Variants in PAPPA observed in about 807,000 individuals in gnomAD.
The protein encoded by PAPPA is pappalysin-1.
Under a neutral mutation model 164.0 loss-of-function variants are expected in PAPPA, and 60 were observed. That is an observed-to-expected ratio of 0.37 (90% CI 0.30 to 0.45). The LOEUF (loss-of-function observed/expected upper bound fraction) is 0.45. Ranked by LOEUF, PAPPA falls within the 20% of genes least tolerant of loss-of-function variation. PAPPA has a pLI of 1.00. For missense variants in PAPPA, 1,782 were observed against 2,087.3 expected, an observed-to-expected ratio of 0.85 and a Z score of 2.85; for synonymous variants, 875 against 814.1, an observed-to-expected ratio of 1.07 and a Z score of -1.27.
At chr9:116,396,231 G>T (rs1246088415) in intron 21 of PAPPA, among the ~76,000 whole-genome samples, 2 of 152,164 alleles carry the variant, frequency 1.3e-5, no homozygotes, top group Non-Finnish European at 2.9e-5. Flanking sequence ...TTATAGAGTT[G>T]TCAAAAGTGT....
intron 18 of PAPPA, among the ~76,000 whole-genome samples, chr9:116,364,628 AAC>A (rs1457470717): frequency 9.9e-5 from 15 of 152,196 alleles, no homozygotes; most frequent in Non-Finnish European, 1.8e-4. Context: ...AAACATATCA[AAC>A]ACACAGAAAG....
At position 116,153,966 on chromosome 9, in the gene PAPPA, G is replaced by T. The variant is rs915872164; in HGVS notation, c.-207G>T. 4 of 421,446 alleles carry T rather than the reference G, an allele frequency of 9.5e-6. No individual in the cohort carries two copies. The highest frequency in any genetic ancestry group is 1.4e-5 in the Non-Finnish European group (4 of 288,468). The allele number at this position is 421,446 out of a possible 1,614,324, so 26.1% of individuals were successfully genotyped here. A position where few individuals can be genotyped will look rare whatever the true frequency, so the allele number is the denominator to read the frequency against. On this transcript the variant is annotated 5_prime_UTR_variant, in exon 1 of 22. Transcript: ENST00000328252. ...AGAGAAATTAATTGCCAACCAGGAG[G>T]AGTTGGGCTGTATTTTTCAAAGGTG...
intron 10 of PAPPA, among the ~76,000 whole-genome samples, chr9:116,330,120 T>G (rs1410365226): frequency 6.6e-6 from 1 of 152,170 alleles, no homozygotes; most frequent in African/African-American, 2.4e-5. Context: ...AGGTCAGCCG[T>G]ACTTTTCGGA....
intron 15 of PAPPA, among the ~76,000 whole-genome samples, chr9:116,350,961 C>T (rs1365498589): frequency 6.6e-6 from 1 of 152,122 alleles, no homozygotes; most frequent in Non-Finnish European, 1.5e-5. Flanking sequence ...CTTGTGCTAA[C>T]CAGATGAATC....
At position 116,344,798 on chromosome 9, in the gene PAPPA, C is replaced by A; in HGVS notation, c.3780+87C>A. On this transcript the variant is annotated intron_variant, in intron 14 of 21. Transcript: ENST00000328252. The stretch of plus-strand genomic sequence containing the variant: ...ACCATGTTCTCTGCTAAATACCCAG[C>A]AGCACTTAAAATAGTGCTGCCACAT... 5 of 1,198,724 alleles carry A rather than the reference C, an allele frequency of 4.2e-6. No homozygotes were observed. In the South Asian group the frequency reaches 5.8e-5, roughly 14 times the overall value. The allele number at this position is 1,198,724 out of a possible 1,614,324, so 74.3% of individuals were successfully genotyped here.
At chr9:116,244,763 TC>T (rs1271403999) in intron 7 of PAPPA, among the ~76,000 whole-genome samples, 1 of 152,176 alleles carries the variant, frequency 6.6e-6, no homozygotes, top group African/African-American at 2.4e-5. Flanking sequence ...TGGAGATTTT[TC>T]AAAGAACTAC....
At chr9:116,244,988 A>C (rs1844779705) in intron 7 of PAPPA, among the ~76,000 whole-genome samples, 1 of 152,216 alleles carries the variant, frequency 6.6e-6, no homozygotes, top group African/African-American at 2.4e-5. Context: ...CATTAAAAGG[A>C]GTGGAATCTT....
rs756381219 is a variant in PAPPA, at chr9:116,332,360, G to T, written c.3289G>T (p.Ala1097Ser). 6.2e-7 allele frequency: 1 copy of T among 1,613,650 alleles called. No homozygotes were observed. The highest frequency in any genetic ancestry group is 8.5e-7 in the Non-Finnish European group (1 of 1,179,634). Residue 1097 changes from alanine to serine, a missense_variant, in exon 12 of 22, where the codon GCA becomes TCA. Around this residue, in one of 2 missense-constraint regions of PAPPA, gnomAD observed 1,324 missense variants for 1,656.9 expected, o/e 0.80. Transcript: ENST00000328252. ...RAYFSQPMVA[A>S]AVIVHLVTDG... Reference sequence around the variant, plus strand: ...GTATTTTTCTCAACCAATGGTTGCCGCAGCTGTCATTGTCCACCTGGTGAC... The same window carrying T: ...GTATTTTTCTCAACCAATGGTTGCCTCAGCTGTCATTGTCCACCTGGTGAC...
Position 116,353,778 on chromosome 9 carries a change from C to T in PAPPA, c.4332C>T (p.Asp1444=). The T allele has an allele frequency of 6.2e-7, 1 of 1,612,798 alleles. No individual in the cohort carries two copies. Among genetic ancestry groups the T allele is most frequent in the South Asian group, 1.1e-5 (1 of 90,862 alleles). The change falls in exon 17 of 22, where the codon GAC becomes GAT. Residue 1444 remains aspartate, a synonymous_variant. Transcript: ENST00000328252. The part of the protein sequence containing the change: ...FNSECRIKCE[D]SDASQGLGSN... ...GTGAGTGTAGGATCAAGTGTGAAGA[C>T]AGTGATGCCTCCCAGGTAAGCCTCC...
intron 8 of PAPPA, among the ~76,000 whole-genome samples, chr9:116,267,767 C>T (rs1298042393): frequency 6.7e-6 from 1 of 149,888 alleles, no homozygotes; most frequent in African/African-American, 2.5e-5. Context: ...CCCAGCTACT[C>T]GGGAGGCTGA....
intron 10 of PAPPA, among the ~76,000 whole-genome samples, chr9:116,315,348 G>A (rs77365528): frequency 6.6e-6 from 1 of 152,102 alleles, no homozygotes; most frequent in Non-Finnish European, 1.5e-5. Flanking sequence ...CCTCACCCCC[G>A]GAATGTTCAC....
intron 7 of PAPPA, among the ~76,000 whole-genome samples, chr9:116,254,687 C>G (rs561505272): frequency 7.3e-4 from 109 of 149,142 alleles, no homozygotes; most frequent in African/African-American, 2.7e-3. Context: ...GAAGCTGAGG[C>G]AGGAGAATGG....
chr9:116,296,711 A>G (rs1258208256), intron 9 of PAPPA, among the ~76,000 whole-genome samples: 4 of 152,180 alleles, frequency 2.6e-5, no homozygotes, highest in Non-Finnish European at 5.9e-5. Flanking sequence ...TGGAAAGCAC[A>G]TTTCAGGCAG....
intron 9 of PAPPA, among the ~76,000 whole-genome samples, chr9:116,289,386 G>GGCATATA (rs1564212486): frequency 6.3e-5 from 3 of 47,982 alleles, no homozygotes; most frequent in East Asian, 5.9e-4. Context: ...TATAGCATAT[G>GGCATATA]TATATATAGC....
At chr9:116,328,327 ACCCGGT>A (rs1845946153) in intron 10 of PAPPA, among the ~76,000 whole-genome samples, 1 of 152,216 alleles carries the variant, frequency 6.6e-6, no homozygotes, top group Non-Finnish European at 1.5e-5. Flanking sequence ...ATCTGCCTAA[ACCCGGT>A]CCCAGTTGTT....
intron 1 of PAPPA, among the ~76,000 whole-genome samples, chr9:116,167,941 G>A (rs962575594): frequency 1.3e-5 from 2 of 152,170 alleles, no homozygotes; most frequent in Non-Finnish European, 2.9e-5. Context: ...GCTAAATTAA[G>A]CTAAGCTAAG....
chr9:116,391,956 A>T (rs1390428846), intron 21 of PAPPA, among the ~76,000 whole-genome samples: 1 of 152,148 alleles, frequency 6.6e-6, no homozygotes, highest in Non-Finnish European at 1.5e-5. Flanking sequence ...TCCATGCCTC[A>T]GTTTCTTCGT....
intron 2 of PAPPA, among the ~76,000 whole-genome samples, chr9:116,191,629 G>A (rs1026199605): frequency 6.6e-6 from 1 of 152,144 alleles, no homozygotes; most frequent in Non-Finnish European, 1.5e-5. Flanking sequence ...GAGACACACA[G>A]TAGGACAGGA....
At chr9:116,370,191 G>C (rs972769439) in intron 19 of PAPPA, among the ~76,000 whole-genome samples, 4 of 152,130 alleles carry the variant, frequency 2.6e-5, no homozygotes, top group Non-Finnish European at 5.9e-5. Context: ...GGCAAGAACT[G>C]GCATTTATTG....
Sources: gnomAD v4.1 joint callset for allele counts (sites outside exome capture counted in the v4.1 genomes callset) on GRCh38, gnomAD v4.1.1 for gene constraint, gnomAD v4.1.1 regional missense constraint, MANE v1.5 for transcripts, NCBI Gene and HGNC (gene_info 2026-07-23, HGNC 2026-07-21) for gene names.